NEDD4L: variants seen among roughly 807,000 people sequenced by gnomAD.
NEDD4L encodes E3 ubiquitin-protein ligase NEDD4-like.
NEDD4L carries 54 observed loss-of-function variants against 148.9 expected under a neutral mutation model. The ratio of observed to expected loss-of-function variants is 0.36; its 90% CI spans 0.29 to 0.45. NEDD4L has a LOEUF of 0.45. Ranked by LOEUF, NEDD4L falls within the 20% of genes least tolerant of loss-of-function variation. The pLI is 1.00. For missense variants in NEDD4L, 856 were observed against 1,233.8 expected, an observed-to-expected ratio of 0.69 and a Z score of 4.59; for synonymous variants, 433 against 440.7, an observed-to-expected ratio of 0.98 and a Z score of 0.22.
intron 1 of NEDD4L, among the ~76,000 whole-genome samples, chr18:58,050,310 T>TG (rs1427817739): frequency 2.7e-5 from 4 of 145,630 alleles, no homozygotes; most frequent in African/African-American, 1.0e-4. Flanking sequence ...AATAAATAAA[T>TG]GAAAAAAAAA....
At chr18:58,187,184 A>G (rs902794466) in intron 2 of NEDD4L, among the ~76,000 whole-genome samples, 3 of 152,168 alleles carry the variant, frequency 2.0e-5, no homozygotes, top group African/African-American at 7.2e-5. Context: ...CGTGGCTTCC[A>G]GTCTTTGTTG....
intron 5 of NEDD4L, among the ~76,000 whole-genome samples, chr18:58,285,315 A>ATGTGTGTGTGGGTGTGTG (rs1418583662): frequency 2.6e-5 from 4 of 151,666 alleles, no homozygotes; most frequent in Non-Finnish European, 5.9e-5. Flanking sequence ...CAATGAGATG[A>ATGTGTGTGTGGGTGTGTG]TGTGTGTGTG....
intron 2 of NEDD4L, among the ~76,000 whole-genome samples, chr18:58,231,299 G>A (rs1257605269): frequency 6.6e-6 from 1 of 151,042 alleles, no homozygotes; most frequent in Admixed American, 6.6e-5. Flanking sequence ...AAGATTCCAT[G>A]GAAAAGGGAG....
intron 1 of NEDD4L, among the ~76,000 whole-genome samples, chr18:58,071,321 A>G (rs367644482): frequency 6.6e-6 from 1 of 152,204 alleles, no homozygotes; most frequent in Non-Finnish European, 1.5e-5. Flanking sequence ...GCCTCTTAAA[A>G]AAAATATTGG....
chr18:58,251,217 A>G (rs2047888427), intron 4 of NEDD4L, among the ~76,000 whole-genome samples: 1 of 152,206 alleles, frequency 6.6e-6, no homozygotes, highest in Non-Finnish European at 1.5e-5. Flanking sequence ...TTTAATAACA[A>G]GACAGTGCCT....
chr18:58,288,763 G>A (rs1249133737), intron 5 of NEDD4L, among the ~76,000 whole-genome samples: 4 of 151,920 alleles, frequency 2.6e-5, no homozygotes, highest in African/African-American at 7.3e-5. Context: ...ACTATGCGAC[G>A]TTCTTTGCAT....
chr18:58,120,721 G>A (rs568485244), intron 1 of NEDD4L, among the ~76,000 whole-genome samples: 52 of 152,228 alleles, frequency 3.4e-4, no homozygotes, highest in Middle Eastern at 3.4e-3. Flanking sequence ...CGGAGCTTGC[G>A]GTGAGCCGAG....
intron 1 of NEDD4L, among the ~76,000 whole-genome samples, chr18:58,075,859 A>G (rs2083128267): frequency 6.6e-6 from 1 of 151,960 alleles, no homozygotes; most frequent in South Asian, 2.1e-4. Flanking sequence ...AATCCAGGAA[A>G]TTGAGGCTGC....
intron 5 of NEDD4L, among the ~76,000 whole-genome samples, chr18:58,303,970 T>C (rs1233353525): frequency 1.3e-5 from 2 of 152,048 alleles, no homozygotes; most frequent in African/African-American, 4.8e-5. Context: ...CCTTCCAGAG[T>C]GGAGGGGAGG....
chr18:58,378,188 AAGG>A (rs1377648014), intron 24 of NEDD4L, among the ~76,000 whole-genome samples: 3 of 152,208 alleles, frequency 2.0e-5, no homozygotes, highest in Non-Finnish European at 4.4e-5. Context: ...CAAAGGGAAC[AAGG>A]AGGACATCAT....
intron 7 of NEDD4L, 57 bp from the exon 8 acceptor site, chr18:58,323,175 T>G (rs1445139501): frequency 9.7e-7 from 1 of 1,028,722 alleles, no homozygotes; most frequent in African/African-American, 1.6e-5. Flanking sequence ...AAGACGATTT[T>G]AAGTGTCCTT....
At chr18:58,125,361 G>GTGTGTGTGTGTA (rs1491286322) in intron 1 of NEDD4L, among the ~76,000 whole-genome samples, 220 of 34,086 alleles carry the variant, frequency 6.5e-3, no homozygotes, top group Non-Finnish European at 7.6e-3. Context: ...CCAGGAGGGT[G>GTGTGTGTGTGTA]TGTGTGTGTG....
chr18:58,120,807 C>T (rs2086193447), intron 1 of NEDD4L, among the ~76,000 whole-genome samples: 1 of 152,120 alleles, frequency 6.6e-6, no homozygotes, highest in Non-Finnish European at 1.5e-5. Context: ...TCCCTTTCTA[C>T]CTTCAAATTC....
At chr18:58,267,737 A>G (rs974236685) in intron 5 of NEDD4L, among the ~76,000 whole-genome samples, 8 of 152,004 alleles carry the variant, frequency 5.3e-5, no homozygotes, top group African/African-American at 1.9e-4. Flanking sequence ...GTGGGTGGAT[A>G]TATTTTTGCA....
At chr18:58,133,920 G>A (rs974733202) in intron 1 of NEDD4L, among the ~76,000 whole-genome samples, 1 of 152,226 alleles carries the variant, frequency 6.6e-6, no homozygotes, top group Admixed American at 6.5e-5. Flanking sequence ...AACTCTAGGA[G>A]ATAGACGTTA....
intron 1 of NEDD4L, among the ~76,000 whole-genome samples, chr18:58,154,421 A>G (rs1312639946): frequency 6.6e-6 from 1 of 151,990 alleles, no homozygotes; most frequent in Non-Finnish European, 1.5e-5. Context: ...AGCTCAAACC[A>G]CCCTTTGGAC....
In NEDD4L at chr18:58,323,139, C is replaced by T. The variant is rs193250300; in HGVS notation, c.411-93C>T. On this transcript the variant is annotated intron_variant, in intron 7 of 30. Coordinates refer to ENST00000400345, the MANE Select transcript of NEDD4L (RefSeq NM_001144967.3). ...TGGGTGGGTGGGGATGCCTGCCCTG[C>T]GTGCTGTGGTGGTTGGCTTTTGCTG... The T allele has an allele frequency of 1.1e-4, 74 of 671,736 alleles. 1 individual carries two copies. Among genetic ancestry groups the T allele is most frequent in the Admixed American group, 6.1e-4 (28 of 46,208 alleles). The allele number at this position is 671,736 out of a possible 1,614,324, so 41.6% of individuals were successfully genotyped here.
At chr18:58,356,098 G>A (rs377023149) in intron 18 of NEDD4L, among the ~76,000 whole-genome samples, 96 of 151,804 alleles carry the variant, frequency 6.3e-4, no homozygotes, top group African/African-American at 2.0e-3. Flanking sequence ...GACTACAGGC[G>A]TACACCACCA....
At chr18:58,283,974 C>G (rs1233776181) in intron 5 of NEDD4L, among the ~76,000 whole-genome samples, 1 of 152,164 alleles carries the variant, frequency 6.6e-6, no homozygotes, top group Non-Finnish European at 1.5e-5. Flanking sequence ...AGGCAGAGAT[C>G]AGGTGATGCT....
Sources: allele counts gnomAD v4.1 joint callset (sites outside exome capture counted in the v4.1 genomes callset), GRCh38; gene constraint gnomAD v4.1.1; transcripts MANE v1.5; gene names NCBI Gene and HGNC (gene_info 2026-07-23, HGNC 2026-07-21).